The following VWA8 variants were observed in gnomAD, a reference collection of about 807,000 sequenced individuals.
The protein encoded by VWA8 is von Willebrand factor A domain containing 8.
In VWA8, 221 loss-of-function variants were observed where a neutral mutation model predicts 241.5. The ratio of observed to expected loss-of-function variants is 0.91; its 90% confidence interval spans 0.82 to 1.02. The LOEUF (loss-of-function observed/expected upper bound fraction) is 1.02, where lower values mean the gene tolerates loss of function less well. Ranked by LOEUF, VWA8 falls within the 50% of genes least tolerant of loss-of-function variation. VWA8 has a pLI of 0.00. For synonymous variants in VWA8, 852 were observed against 827.1 expected, an observed-to-expected ratio of 1.03 and a Z score of -0.52; for missense variants, 2,322 against 2,328.7, an observed-to-expected ratio of 1.00 and a Z score of 0.06.
At chr13:41,633,777 G>T (rs1459860872) in intron 37 of VWA8, among the ~76,000 whole-genome samples, 1 of 151,976 alleles carries the variant, frequency 6.6e-6, no homozygotes, top group African/African-American at 2.4e-5. Flanking sequence ...AATTAATCAG[G>T]GGTTTCTACA....
intron 43 of VWA8, among the ~76,000 whole-genome samples, chr13:41,573,109 A>C (rs2139632779): frequency 1.4e-5 from 1 of 73,726 alleles, no homozygotes; most frequent in Middle Eastern, 7.6e-3. Flanking sequence ...ACACCGTTTC[A>C]AAAAAAAAAA....
chr13:41,634,467 G>C (rs1351961825), intron 37 of VWA8, among the ~76,000 whole-genome samples: 1 of 151,942 alleles, frequency 6.6e-6, no homozygotes, highest in African/African-American at 2.4e-5. Flanking sequence ...TTATTTTTTG[G>C]GATGAAGAAG....
At chr13:41,854,007 G>A (rs1187475147) in intron 12 of VWA8, among the ~76,000 whole-genome samples, 2 of 152,130 alleles carry the variant, frequency 1.3e-5, no homozygotes, top group Admixed American at 6.6e-5. Context: ...AAATCAGGGT[G>A]CAGCTTCAAT....
At chr13:41,857,528 A>C (rs1423059063) in intron 12 of VWA8, among the ~76,000 whole-genome samples, 1 of 152,204 alleles carries the variant, frequency 6.6e-6, no homozygotes, top group Non-Finnish European at 1.5e-5. Context: ...AACTTACTAA[A>C]GTAACTATTC....
chr13:41,663,328 T>A (rs1233170067), intron 37 of VWA8, among the ~76,000 whole-genome samples: 3 of 152,172 alleles, frequency 2.0e-5, no homozygotes, highest in African/African-American at 7.2e-5. Context: ...CTCTTTTCCA[T>A]CTGGTAAATT....
In VWA8 at chr13:41,699,251, G is replaced by A. The variant is rs779325167; in HGVS notation, c.3384C>T (p.Leu1128=). 6.2e-7 allele frequency: 1 copy of A among 1,614,116 alleles called. No homozygotes were observed. Among genetic ancestry groups the A allele is most frequent in the Non-Finnish European group, 8.5e-7 (1 of 1,179,996 alleles). Residue 1128 remains leucine (L), a synonymous_variant, in exon 29 of 45, where the codon CTC becomes CTT. Transcript: ENST00000379310. ...ATSHENEQNT[L]YVVTCNPASL... ...AAGCGGGATTGCATGTAACTACATA[G>A]AGAGTATTTTGCTCATTTTCTGAAA... is the stretch of plus-strand genomic sequence containing the variant.
intron 9 of VWA8, among the ~76,000 whole-genome samples, chr13:41,880,446 A>G (rs1874116826): frequency 6.6e-6 from 1 of 152,232 alleles, no homozygotes; most frequent in Non-Finnish European, 1.5e-5. Context: ...CCAAATGAGG[A>G]AATCCACTTA....
At chr13:41,913,945 T>C (rs1045082802) in intron 2 of VWA8, among the ~76,000 whole-genome samples, 1 of 152,178 alleles carries the variant, frequency 6.6e-6, no homozygotes, top group Admixed American at 6.5e-5. Context: ...GATGTTACAA[T>C]AGTTTGTGGT....
intron 20 of VWA8, among the ~76,000 whole-genome samples, chr13:41,772,540 G>C (rs2045832511): frequency 6.6e-6 from 1 of 152,114 alleles, no homozygotes; most frequent in South Asian, 2.1e-4. Context: ...TAGGTAGAAA[G>C]TAATGCATGC....
chr13:41,630,880 T>C (rs534805829), intron 37 of VWA8, among the ~76,000 whole-genome samples: 1 of 152,312 alleles, frequency 6.6e-6, no homozygotes, highest in South Asian at 2.1e-4. Context: ...GTCTGCTCAG[T>C]AACAGGAAAC....
intron 17 of VWA8, among the ~76,000 whole-genome samples, chr13:41,802,248 T>C (rs544262033): frequency 7.7e-4 from 118 of 152,308 alleles, no homozygotes; most frequent in African/African-American, 2.6e-3. Flanking sequence ...GTATTTTGCA[T>C]TGGAATTCAG....
intron 9 of VWA8, among the ~76,000 whole-genome samples, chr13:41,882,964 A>G (rs1015854810): frequency 6.6e-5 from 10 of 152,170 alleles, no homozygotes; most frequent in Admixed American, 2.0e-4. Context: ...TTGTTCATAT[A>G]TATTGTTTAA....
chr13:41,746,142 G>T (rs1275108370), intron 21 of VWA8, among the ~76,000 whole-genome samples: 2 of 152,062 alleles, frequency 1.3e-5, no homozygotes, highest in Non-Finnish European at 2.9e-5. Context: ...GTTAAATCTG[G>T]GTGATAAATT....
At chr13:41,867,691 ATAT>A (rs1457836779) in intron 10 of VWA8, among the ~76,000 whole-genome samples, 7 of 152,318 alleles carry the variant, frequency 4.6e-5, no homozygotes, top group Non-Finnish European at 1.0e-4. Context: ...ACATGAATTA[ATAT>A]TAATAATATC....
intron 21 of VWA8, among the ~76,000 whole-genome samples, chr13:41,737,243 T>C (rs1221610061): frequency 3.3e-5 from 5 of 152,196 alleles, no homozygotes; most frequent in Admixed American, 6.5e-5. Flanking sequence ...TGTCAAAAGA[T>C]ATTTTTCAAG....
At position 41,819,305 on chromosome 13, in the gene VWA8, C is replaced by A. The variant is rs151124989; in HGVS notation, c.1782G>T (p.Trp594Cys). The A allele has an allele frequency of 6.2e-5, 100 of 1,613,402 alleles. 1 individual carries two copies. In the African/African-American group the frequency reaches 1.3e-3, roughly 20 times the overall value. ...ACATGGTTAAGAATTCTGGTCCCAG[C>A]CACTGGTGTGCTGTGCTTCCAATAA... ...PPVIGSTAHQWLGPEFLTMFF... is the reference protein window; with the variant it reads ...PPVIGSTAHQCLGPEFLTMFF... The change falls in exon 15 of 45, where the codon TGG becomes TGT. Residue 594 changes from tryptophan (W) to cysteine (C), a missense_variant. Physicochemically the swap from Trp to Cys is radical, Grantham distance 215 (BLOSUM62 -2). Coordinates refer to ENST00000379310, the MANE Select transcript of VWA8 (RefSeq NM_015058.2).
chr13:41,644,184 T>C (rs1187916576), intron 37 of VWA8, among the ~76,000 whole-genome samples: 1 of 151,948 alleles, frequency 6.6e-6, no homozygotes, highest in Non-Finnish European at 1.5e-5. Context: ...TGAACCCTCT[T>C]AGCTTGGAAG....
At chr13:41,888,760 T>C (rs2138081713) in intron 5 of VWA8, among the ~76,000 whole-genome samples, 1 of 152,352 alleles carries the variant, frequency 6.6e-6, no homozygotes, top group South Asian at 2.1e-4. Flanking sequence ...AAAGGACTTA[T>C]TACCTCTAGT....
rs1017037326 is a variant in VWA8, at chr13:41,670,537, C to A, written c.4611+409G>T. On this transcript the variant is annotated intron_variant, in intron 37 of 44. Transcript: ENST00000379310. The stretch of plus-strand genomic sequence containing the variant: ...CCTTCTCTAGTTTAGAGGTCCTGGC[C>A]TTGTAATAATCTGCTGTATTCTAGT... 4.6e-5 allele frequency among the ~76,000 whole-genome samples: 7 copies of A among 152,084 alleles called. No individual in the cohort carries two copies. The South Asian group carries it at 1.0e-3, about 23-fold the overall frequency.
Sources: allele counts gnomAD v4.1 joint callset (sites outside exome capture counted in the v4.1 genomes callset), GRCh38; gene constraint gnomAD v4.1.1; transcripts MANE v1.5; gene names NCBI Gene and HGNC (gene_info 2026-07-23, HGNC 2026-07-21).